The following CD48 variants were observed in gnomAD, a reference collection of about 807,000 sequenced individuals.
CD48 encodes the protein CD48 molecule, also known as CD48 antigen.
Under a neutral mutation model 22.0 loss-of-function variants are expected in CD48, and 20 were observed. The ratio of observed to expected loss-of-function variants is 0.91; its 90% CI spans 0.64 to 1.32. CD48 has a LOEUF of 1.32. Among genes scored for constraint, CD48 ranks in the 40% most tolerant of loss-of-function variants. The pLI is 0.00. For synonymous variants in CD48, 110 were observed against 110.1 expected (o/e 1.00, Z 0.01); for missense variants, 307 against 286.5 (o/e 1.07, Z -0.52).
intron 1 of CD48, among the ~76,000 whole-genome samples, chr1:160,707,139 GAGA>G: frequency 6.6e-6 from 1 of 152,144 alleles, no homozygotes; most frequent in East Asian, 1.9e-4. Flanking sequence ...GTGTCTTGGT[GAGA>G]AGCTGAGCAG....
chr1:160,705,791 T>G (rs1184052470), intron 1 of CD48, among the ~76,000 whole-genome samples: 13 of 152,148 alleles, frequency 8.5e-5, no homozygotes, highest in African/African-American at 3.1e-4. Flanking sequence ...TAATTCTTTT[T>G]TGTAGGGGGC....
chr1:160,684,618 A>G lies in CD48; in HGVS notation c.385+269T>C. The G allele has an allele frequency of 2.8e-6, 3 of 1,071,348 alleles. 1 individual carries two copies. In the Admixed American group the frequency reaches 8.7e-5, roughly 31 times the overall value. The allele number at this position is 1,071,348 out of a possible 1,614,324, so 66.4% of individuals were successfully genotyped here. ...TTGATCACAGGACAAAATGAAGGAA[A>G]TAGGAAAAATCTCTAGTTTTCCTTC... On this transcript the variant is annotated intron_variant, in intron 2 of 3. Transcript: ENST00000368046.
chr1:160,707,800 T>C (rs352679), intron 1 of CD48, among the ~76,000 whole-genome samples: 96,225 of 151,960 alleles, frequency 0.63, 30,786 homozygotes, highest in East Asian at 0.78. Flanking sequence ...TATTCCTTCC[T>C]TCTTTCCTTT....
At chr1:160,689,312 G>T (rs1038260704) in intron 1 of CD48, among the ~76,000 whole-genome samples, 1 of 152,180 alleles carries the variant, frequency 6.6e-6, no homozygotes, top group Admixed American at 6.5e-5. Context: ...ACTATCATTA[G>T]TGTAGATTTC....
intron 1 of CD48, among the ~76,000 whole-genome samples, chr1:160,704,160 C>T (rs927511423): frequency 1.3e-5 from 2 of 152,144 alleles, no homozygotes; most frequent in African/African-American, 2.4e-5. Flanking sequence ...GCAGATTTCC[C>T]GTGAAAGTGA....
At chr1:160,691,805 T>G in intron 1 of CD48, 2 of 368,694 alleles carry the variant, frequency 5.4e-6, no homozygotes, top group Non-Finnish European at 9.7e-6. Flanking sequence ...CACTCGAGCG[T>G]GGTCATTGAG....
rs1202506081 is a variant in CD48 at position 160,693,257 on chromosome 1, C to T, written c.83-8068G>A. On this transcript the variant is annotated intron_variant, in intron 1 of 3. Transcript: ENST00000368046. ...GCCCTACCCTGATTTTGTGGCAAGG[C>T]TCCAAGATGTTGCTCAAAAGTCAAT... Among the ~76,000 whole-genome samples the T allele has an allele frequency of 7.2e-5, 11 of 152,368 alleles. No homozygotes were observed. In the South Asian group the frequency reaches 2.1e-3, roughly 29 times the overall value.
intron 1 of CD48, among the ~76,000 whole-genome samples, chr1:160,708,814 G>A (rs1441218193): frequency 6.6e-6 from 1 of 152,000 alleles, no homozygotes; most frequent in Non-Finnish European, 1.5e-5. Context: ...AATTGAGTAG[G>A]CTCGGTGATG....
rs546767781 is a variant in CD48, at chr1:160,688,115, A to G, written c.83-2926T>C. On this transcript the variant is annotated intron_variant, in intron 1 of 3. Transcript: ENST00000368046. Reference sequence around the variant, plus strand: ...CTTAAATCATTAATTTGACTTGCCAATTTTTGATGGATGCCTTGTTGAGAA... The same window carrying G: ...CTTAAATCATTAATTTGACTTGCCAGTTTTTGATGGATGCCTTGTTGAGAA... Among the ~76,000 whole-genome samples, 4 of 152,296 alleles carry G rather than the reference A, an allele frequency of 2.6e-5. No individual in the cohort carries two copies. In the South Asian group the frequency reaches 8.3e-4, roughly 32 times the overall value.
At position 160,684,918 on chromosome 1, in the gene CD48, C is replaced by A. The variant is rs1661936632; in HGVS notation, c.354G>T (p.Glu118Asp). The change falls in exon 2 of 4, where the codon GAG becomes GAT. Residue 118 changes from glutamate (E) to aspartate (D), a missense_variant. Transcript: ENST00000368046. The part of the protein sequence containing the change: ...IMRVLKKTGN[E>D]QEWKIKLQVL... Reference sequence around the variant, plus strand: ...CTTGCAGCTTGATCTTCCATTCTTGCTCATTCCCAGTCTTTTTCAACACCC... The same window carrying A: ...CTTGCAGCTTGATCTTCCATTCTTGATCATTCCCAGTCTTTTTCAACACCC... 1 of 1,614,126 alleles carries A rather than the reference C, an allele frequency of 6.2e-7. No homozygotes were observed.
chr1:160,704,780 C>T (rs114145788), intron 1 of CD48, among the ~76,000 whole-genome samples: 7,235 of 150,596 alleles, frequency 0.048, 257 homozygotes, highest in African/African-American at 0.1. Flanking sequence ...CAGTTTTGTT[C>T]TTTTATTATT....
chr1:160,681,675 G>A (rs1661808959), intron 2 of CD48, among the ~76,000 whole-genome samples: 1 of 152,216 alleles, frequency 6.6e-6, no homozygotes, highest in Admixed American at 6.5e-5. Context: ...CTTCTAGGCA[G>A]TGAAGCTAAG....
chr1:160,686,164 T>C (rs1169219131), intron 1 of CD48, among the ~76,000 whole-genome samples: 1 of 152,152 alleles, frequency 6.6e-6, no homozygotes, highest in Non-Finnish European at 1.5e-5. Flanking sequence ...ATTTAAATTT[T>C]ATGGCTGGCT....
intron 3 of CD48, 56 bp from the exon 4 acceptor site, chr1:160,679,187 T>C: frequency 2.2e-6 from 3 of 1,392,214 alleles, no homozygotes; most frequent in Non-Finnish European, 3.1e-6. Flanking sequence ...ACTAATGTAT[T>C]GAGAAGGGGC....
chr1:160,703,499 A>G (rs1182130975), intron 1 of CD48, among the ~76,000 whole-genome samples: 2 of 152,164 alleles, frequency 1.3e-5, no homozygotes, highest in Non-Finnish European at 2.9e-5. Flanking sequence ...TCCTGGAGCC[A>G]TTAGCTGATG....
intron 1 of CD48, among the ~76,000 whole-genome samples, chr1:160,685,454 A>G (rs1210937590): frequency 2.6e-5 from 4 of 152,200 alleles, no homozygotes; most frequent in African/African-American, 9.7e-5. Flanking sequence ...AGTAAGGCCA[A>G]CTGAGGTTGG....
At position 160,702,822 on chromosome 1, in the gene CD48, C is replaced by T. The variant is rs143813379; in HGVS notation, c.82+8860G>A. 3.0e-3 allele frequency among the ~76,000 whole-genome samples: 451 copies of T among 152,196 alleles called. 4 individuals are homozygous for T. The highest frequency in any genetic ancestry group is 0.01 in the African/African-American group (429 of 41,532). ...ACACCTCGTGATCAGGTAAATTTTGCGTTGGACAGAATGCATGGCCATTTT... is the reference window on the plus strand; with the variant it reads ...ACACCTCGTGATCAGGTAAATTTTGTGTTGGACAGAATGCATGGCCATTTT... On this transcript the variant is annotated intron_variant, in intron 1 of 3. Coordinates refer to ENST00000368046, the MANE Select transcript of CD48 (RefSeq NM_001778.4).
At chr1:160,684,738 A>T in intron 2 of CD48, 149 bp downstream of exon 2, 3 of 1,588,022 alleles carry the variant, frequency 1.9e-6, no homozygotes, top group Non-Finnish European at 2.6e-6. Context: ...ACTCCCAAAT[A>T]GAATTGGATC....
At chr1:160,691,041 C>T (rs1187599095) in intron 1 of CD48, among the ~76,000 whole-genome samples, 1 of 152,112 alleles carries the variant, frequency 6.6e-6, no homozygotes, top group Non-Finnish European at 1.5e-5. Context: ...GAGTCATCAC[C>T]ACTCCCTAAT....
Sources: gnomAD v4.1 joint callset for allele counts (sites outside exome capture counted in the v4.1 genomes callset) on GRCh38, gnomAD v4.1.1 for gene constraint, MANE v1.5 for transcripts, NCBI Gene and HGNC (gene_info 2026-07-23, HGNC 2026-07-21) for gene names.